GLIS1: variants seen among roughly 807,000 people sequenced by gnomAD.
The protein encoded by GLIS1 is zinc finger protein GLIS1.
In GLIS1, 24 loss-of-function variants were observed where a neutral mutation model predicts 63.8. The ratio of observed to expected loss-of-function variants is 0.38; its 90% confidence interval spans 0.27 to 0.53. GLIS1 has a LOEUF of 0.53. Among genes scored for constraint, GLIS1 ranks in the 20% least tolerant of loss-of-function variants. The pLI is 0.85. For missense variants in GLIS1, 1,036 were observed against 1,074.1 expected, an observed-to-expected ratio of 0.96 and a Z score of 0.50; for synonymous variants, 450 against 482.5, an observed-to-expected ratio of 0.93 and a Z score of 0.88.
chr1:53,572,598 T>G lies in GLIS1; in HGVS notation c.1320+21510A>C, dbSNP rs1644994338. ...CAGCCTCCGTGCAGTCAGGGGACGTTTACATTCCTGGTGGATTAAAATTCT... is the reference window on the plus strand; with the variant it reads ...CAGCCTCCGTGCAGTCAGGGGACGTGTACATTCCTGGTGGATTAAAATTCT... On this transcript the variant is annotated intron_variant, in intron 4 of 10. Coordinates refer to ENST00000628545, the MANE Select transcript of GLIS1 (RefSeq NM_001367484.1). Among the ~76,000 whole-genome samples, 4 of 152,218 alleles carry G rather than the reference T, an allele frequency of 2.6e-5. No individual in the cohort carries two copies. The South Asian group carries it at 8.3e-4, about 32-fold the overall frequency.
chr1:53,635,508 T>G (rs944904434), intron 2 of GLIS1, among the ~76,000 whole-genome samples: 6 of 151,864 alleles, frequency 4.0e-5, no homozygotes, highest in Admixed American at 3.9e-4. Flanking sequence ...TTGTTAGAAG[T>G]GTTGAAACTT....
chr1:53,622,346 T>G (rs1222752538), intron 2 of GLIS1, among the ~76,000 whole-genome samples: 1 of 148,390 alleles, frequency 6.7e-6, no homozygotes, highest in African/African-American at 2.5e-5. Context: ...GAGAATCATT[T>G]GAACCTGGGA....
In GLIS1 at chr1:53,673,799, C is replaced by T. The variant is rs555958672; in HGVS notation, c.259+64007G>A. 2.0e-5 allele frequency among the ~76,000 whole-genome samples: 3 copies of T among 152,230 alleles called. No homozygotes were observed. The South Asian group carries it at 6.2e-4, about 31-fold the overall frequency. On this transcript the variant is annotated intron_variant, in intron 2 of 10. Transcript: ENST00000628545. ...AATGCTAAGCACAATGCCTGGTGCA[C>T]GGTAGGTGGTGAAGTCCGCATGAAG...
At position 53,628,825 on chromosome 1, in the gene GLIS1, C is replaced by T. The variant is rs558565982; in HGVS notation, c.260-28547G>A. On this transcript the variant is annotated intron_variant, in intron 2 of 10. Transcript: ENST00000628545. ...TACAATATAGGGACGGGAAACAGCACCCTGAGAGGTCAGAAGGGGTGGCCA... is the reference window on the plus strand; with the variant it reads ...TACAATATAGGGACGGGAAACAGCATCCTGAGAGGTCAGAAGGGGTGGCCA... Among the ~76,000 whole-genome samples, 58 of 152,234 alleles carry T rather than the reference C, an allele frequency of 3.8e-4. 1 individual carries two copies. In the South Asian group the frequency reaches 0.012, roughly 31 times the overall value.
At chr1:53,703,391 T>C (rs1646544574) in intron 2 of GLIS1, among the ~76,000 whole-genome samples, 1 of 151,970 alleles carries the variant, frequency 6.6e-6, no homozygotes, top group Admixed American at 6.6e-5. Context: ...AATCCCAACA[T>C]TTTAAGAGGC....
intron 2 of GLIS1, among the ~76,000 whole-genome samples, chr1:53,645,340 A>G (rs1437509837): frequency 6.6e-6 from 1 of 152,108 alleles, no homozygotes; most frequent in Admixed American, 6.5e-5. Flanking sequence ...CTTGTTACCA[A>G]ATGACACACT....
intron 2 of GLIS1, among the ~76,000 whole-genome samples, chr1:53,652,379 C>T (rs1645918534): frequency 6.6e-6 from 1 of 152,134 alleles, no homozygotes; most frequent in Non-Finnish European, 1.5e-5. Context: ...AGATCTCAGG[C>T]CCAGGGGTGA....
intron 2 of GLIS1, among the ~76,000 whole-genome samples, chr1:53,711,560 C>T (rs766847532): frequency 1.1e-4 from 17 of 152,192 alleles, no homozygotes; most frequent in South Asian, 2.1e-4. Context: ...CCCCGGGGTC[C>T]GCCAAGCTAA....
intron 2 of GLIS1, among the ~76,000 whole-genome samples, chr1:53,735,047 T>C (rs1646900025): frequency 6.6e-6 from 1 of 152,166 alleles, no homozygotes; most frequent in Non-Finnish European, 1.5e-5. Context: ...GATAAACTAC[T>C]AGGTTCAAGA....
At chr1:53,709,700 C>T (rs1392731694) in intron 2 of GLIS1, among the ~76,000 whole-genome samples, 4 of 152,160 alleles carry the variant, frequency 2.6e-5, no homozygotes, top group Admixed American at 1.3e-4. Flanking sequence ...CAGAAAGCCA[C>T]ACCCACTTCC....
intron 8 of GLIS1, among the ~76,000 whole-genome samples, chr1:53,513,323 C>T (rs1569720130): frequency 6.6e-6 from 1 of 152,140 alleles, no homozygotes; most frequent in Admixed American, 6.5e-5. Context: ...TGCCGCCCTG[C>T]GTCCTCATCC....
chr1:53,625,848 C>T (rs1486950075), intron 2 of GLIS1, among the ~76,000 whole-genome samples: 3 of 152,268 alleles, frequency 2.0e-5, no homozygotes, highest in Non-Finnish European at 4.4e-5. Flanking sequence ...GAGGACCAGG[C>T]CCTGCAGCCA....
At chr1:53,507,078 G>T (rs1193326365) in intron 10 of GLIS1, among the ~76,000 whole-genome samples, 14 of 152,256 alleles carry the variant, frequency 9.2e-5, no homozygotes, top group East Asian at 1.9e-4. Context: ...AGAATGTGGG[G>T]GAAAGAGAGG....
chr1:53,671,643 TG>T (rs1227645187), intron 2 of GLIS1, among the ~76,000 whole-genome samples: 1 of 152,232 alleles, frequency 6.6e-6, no homozygotes, highest in African/African-American at 2.4e-5. Context: ...AGGGACAGAC[TG>T]GAAGCCCTCC....
chr1:53,541,940 C>A (rs553862360), intron 4 of GLIS1, among the ~76,000 whole-genome samples: 29 of 152,328 alleles, frequency 1.9e-4, no homozygotes, highest in South Asian at 8.3e-4. Context: ...CACAGCTCCT[C>A]CTGTGGCCAG....
At chr1:53,543,019 C>T (rs12737836) in intron 4 of GLIS1, among the ~76,000 whole-genome samples, 1 of 150,838 alleles carries the variant, frequency 6.6e-6, no homozygotes. Context: ...TCAGTGTAAG[C>T]CCCCCAAAAC....
At position 53,507,077 on chromosome 1, in the gene GLIS1, G is replaced by A. The variant is rs74372882; in HGVS notation, c.2231-301C>T. On this transcript the variant is annotated intron_variant, in intron 10 of 10. Coordinates refer to ENST00000628545, the MANE Select transcript of GLIS1 (RefSeq NM_001367484.1). ...GGCTGGGCTGTGGGGCAGAATGTGGGGGAAAGAGAGGAGCAGGGTAGGAGC... is the reference window on the plus strand; with the variant it reads ...GGCTGGGCTGTGGGGCAGAATGTGGAGGAAAGAGAGGAGCAGGGTAGGAGC... 9.5e-3 allele frequency among the ~76,000 whole-genome samples: 1,448 copies of A among 152,252 alleles called. 28 individuals are homozygous for A. The highest frequency in any genetic ancestry group is 0.034 in the African/African-American group (1,392 of 41,550).
At chr1:53,552,387 G>A (rs544265458) in intron 4 of GLIS1, among the ~76,000 whole-genome samples, 18 of 152,218 alleles carry the variant, frequency 1.2e-4, no homozygotes, top group South Asian at 4.2e-4. Flanking sequence ...GCCAGCTCCC[G>A]CCAGGCCTTC....
chr1:53,634,665 A>C (rs2100264889), intron 2 of GLIS1, among the ~76,000 whole-genome samples: 1 of 152,180 alleles, frequency 6.6e-6, no homozygotes, highest in Admixed American at 6.5e-5. Context: ...AGCACCTGTG[A>C]CATCCTCTCG....
Sources: allele counts gnomAD v4.1 joint callset (sites outside exome capture counted in the v4.1 genomes callset), GRCh38; gene constraint gnomAD v4.1.1; transcripts MANE v1.5; gene names NCBI Gene and HGNC (gene_info 2026-07-23, HGNC 2026-07-21).